THADA: variants seen among roughly 807,000 people sequenced by gnomAD.
THADA encodes THADA armadillo repeat containing.
A neutral mutation model predicts 219.8 loss-of-function variants in THADA; 213 were observed. The observed-to-expected ratio is 0.97, with a 90% confidence interval of 0.87 to 1.09. The LOEUF is 1.09. Among genes scored for constraint, THADA ranks in the 50% least tolerant of loss-of-function variants. The pLI is 0.00. For synonymous variants in THADA, 1,018 were observed against 828.9 expected, an observed-to-expected ratio of 1.23 and a Z score of -3.92; for missense variants, 2,956 against 2,311.3, an observed-to-expected ratio of 1.28 and a Z score of -5.72.
chr2:43,422,759 T>C (rs928588652), intron 28 of THADA, among the ~76,000 whole-genome samples: 1 of 152,176 alleles, frequency 6.6e-6, no homozygotes, highest in Non-Finnish European at 1.5e-5. Flanking sequence ...CTCTGTCACC[T>C]AGGCTGCAGT....
intron 15 of THADA, chr2:43,562,210 T>C (rs1478837170): frequency 6.6e-6 from 1 of 152,194 alleles, no homozygotes; most frequent in African/African-American, 2.4e-5. Flanking sequence ...GTTTTTTCTT[T>C]CCTTTTCTTT....
At chr2:43,317,588 T>C (rs906096733) in intron 31 of THADA, among the ~76,000 whole-genome samples, 6 of 152,236 alleles carry the variant, frequency 3.9e-5, no homozygotes, top group African/African-American at 1.4e-4. Context: ...CACACAAGAA[T>C]AGACTTCACT....
chr2:43,302,296 G>C (rs889821755), intron 31 of THADA, among the ~76,000 whole-genome samples: 1 of 152,030 alleles, frequency 6.6e-6, no homozygotes, highest in African/African-American at 2.4e-5. Flanking sequence ...CTTTTCCTAA[G>C]TTAGAGTGAT....
At chr2:43,421,846 C>G (rs1263928891) in intron 28 of THADA, among the ~76,000 whole-genome samples, 1 of 152,194 alleles carries the variant, frequency 6.6e-6, no homozygotes, top group Non-Finnish European at 1.5e-5. Context: ...CATTTAAGAG[C>G]AAACCACTGT....
intron 31 of THADA, among the ~76,000 whole-genome samples, chr2:43,318,092 A>G (rs1275287801): frequency 2.0e-5 from 3 of 151,996 alleles, no homozygotes; most frequent in Non-Finnish European, 2.9e-5. Flanking sequence ...CAGGCTGGAA[A>G]GCAATGGCAT....
chr2:43,436,964 T>C (rs1300592530), intron 26 of THADA, among the ~76,000 whole-genome samples: 1 of 152,164 alleles, frequency 6.6e-6, no homozygotes, highest in Non-Finnish European at 1.5e-5. Flanking sequence ...CACCAGTAGG[T>C]CATATAGCTC....
At chr2:43,306,716 G>C (rs1676906319) in intron 31 of THADA, among the ~76,000 whole-genome samples, 1 of 152,192 alleles carries the variant, frequency 6.6e-6, no homozygotes, top group African/African-American at 2.4e-5. Flanking sequence ...GGTTGTACTA[G>C]GAGTGCTCCT....
intron 26 of THADA, among the ~76,000 whole-genome samples, chr2:43,478,843 G>T (rs1332123223): frequency 6.6e-6 from 1 of 152,134 alleles, no homozygotes; most frequent in Non-Finnish European, 1.5e-5. Context: ...TCTCCTACCT[G>T]TAATCTATGA....
intron 36 of THADA, among the ~76,000 whole-genome samples, chr2:43,237,081 A>G (rs1340266235): frequency 6.6e-6 from 1 of 151,652 alleles, no homozygotes; most frequent in Non-Finnish European, 1.5e-5. Flanking sequence ...CAAAAAAAAA[A>G]AAAAAAAAAC....
At chr2:43,467,320 C>A (rs181087259) in intron 26 of THADA, among the ~76,000 whole-genome samples, 8 of 151,978 alleles carry the variant, frequency 5.3e-5, no homozygotes, top group African/African-American at 1.7e-4. Context: ...CTCTGCTTCA[C>A]GCTAGATATG....
rs1414610684 is a variant in THADA at position 43,527,992 on chromosome 2, T to A, written c.3265-4A>T. ...AGTAATCTCCTATTTCTTTTACCTT[T>A]AAAAAAAAAGCAAAAACAAATGTCC... On this transcript the variant is annotated splice_polypyrimidine_tract_variant and splice_region_variant and intron_variant, in intron 21 of 37. Transcript: ENST00000405975. The A allele has an allele frequency of 2.2e-5, 34 of 1,561,018 alleles. No individual in the cohort carries two copies. The highest frequency in any genetic ancestry group is 1.7e-4 in the Middle Eastern group (1 of 5,876).
At chr2:43,512,320 C>G (rs1427461791) in intron 22 of THADA, among the ~76,000 whole-genome samples, 1 of 152,154 alleles carries the variant, frequency 6.6e-6, no homozygotes, top group Admixed American at 6.5e-5. Context: ...ACTCTACCAC[C>G]GGTTCCCATT....
At chr2:43,346,082 C>T (rs974895381) in intron 29 of THADA, among the ~76,000 whole-genome samples, 4 of 151,508 alleles carry the variant, frequency 2.6e-5, no homozygotes, top group South Asian at 4.2e-4. Flanking sequence ...GAGCCAGGTA[C>T]GCTGAAAAGA....
intron 30 of THADA, among the ~76,000 whole-genome samples, chr2:43,322,081 G>A (rs1678780473): frequency 6.6e-6 from 1 of 151,910 alleles, no homozygotes; most frequent in East Asian, 1.9e-4. Context: ...TGTCCCCTAG[G>A]CTGGAGTGTG....
intron 31 of THADA, among the ~76,000 whole-genome samples, chr2:43,311,794 A>G (rs1430332757): frequency 1.3e-5 from 2 of 152,266 alleles, no homozygotes; most frequent in Non-Finnish European, 2.9e-5. Context: ...AATATCTTAA[A>G]TAGACTTTCA....
At chr2:43,525,321 T>C (rs556539236) in intron 22 of THADA, among the ~76,000 whole-genome samples, 1 of 152,228 alleles carries the variant, frequency 6.6e-6, no homozygotes, top group African/African-American at 2.4e-5. Flanking sequence ...TATCTGCGTA[T>C]ACTTCTACAA....
At chr2:43,357,263 C>T (rs1038795595) in intron 29 of THADA, among the ~76,000 whole-genome samples, 1 of 151,868 alleles carries the variant, frequency 6.6e-6, no homozygotes, top group African/African-American at 2.4e-5. Flanking sequence ...ATGGATTTGG[C>T]ACATACTTTT....
At chr2:43,497,194 C>T (rs1688371308) in intron 25 of THADA, among the ~76,000 whole-genome samples, 2 of 152,080 alleles carry the variant, frequency 1.3e-5, no homozygotes, top group African/African-American at 4.8e-5. Flanking sequence ...TGGATATATA[C>T]CCAAAGGAAT....
chr2:43,332,730 T>A (rs1665935247), intron 30 of THADA, among the ~76,000 whole-genome samples: 1 of 152,214 alleles, frequency 6.6e-6, no homozygotes, highest in Non-Finnish European at 1.5e-5. Context: ...ATTGTCCAAA[T>A]CTTCCAACAG....
Sources: gnomAD v4.1 joint callset for allele counts (sites outside exome capture counted in the v4.1 genomes callset) on GRCh38, gnomAD v4.1.1 for gene constraint, MANE v1.5 for transcripts, NCBI Gene and HGNC (gene_info 2026-07-23, HGNC 2026-07-21) for gene names.